Variants in CREM observed in about 807,000 individuals in gnomAD.
CREM encodes cAMP-responsive element modulator.
In CREM, 13 loss-of-function variants were observed where a neutral mutation model predicts 37.3. That is an observed-to-expected ratio of 0.35 (90% CI 0.23 to 0.55). CREM has a LOEUF of 0.55. Ranked by LOEUF, CREM falls within the 20% of genes least tolerant of loss-of-function variation. The pLI is 0.88. For missense variants in CREM, 296 were observed against 362.3 expected, an observed-to-expected ratio of 0.82 and a Z score of 1.49; for synonymous variants, 124 against 120.2, an observed-to-expected ratio of 1.03 and a Z score of -0.21.
At chr10:35,179,488 C>T (rs753276125) in intron 5 of CREM, 41 of 513,100 alleles carry the variant, frequency 8.0e-5, no homozygotes, top group Middle Eastern at 1.1e-3. Context: ...TTTTGACTGC[C>T]GAATATAGAA....
At chr10:35,203,114 G>C (rs183752683) in intron 6 of CREM, among the ~76,000 whole-genome samples, 1 of 151,876 alleles carries the variant, frequency 6.6e-6, no homozygotes, top group Non-Finnish European at 1.5e-5. Context: ...GAGTGCAGTA[G>C]CATAATAACG....
intron 1 of CREM, among the ~76,000 whole-genome samples, chr10:35,129,906 T>G (rs1243575237): frequency 6.6e-6 from 1 of 152,142 alleles, no homozygotes; most frequent in Non-Finnish European, 1.5e-5. Context: ...AACTTAAAAA[T>G]CCAGTTTAGG....
chr10:35,187,984 T>A (rs141617862), intron 5 of CREM, among the ~76,000 whole-genome samples: 2 of 152,350 alleles, frequency 1.3e-5, no homozygotes, highest in African/African-American at 4.8e-5. Context: ...ATCTCAAACA[T>A]TTCTGAATAT....
intron 5 of CREM, among the ~76,000 whole-genome samples, chr10:35,185,829 A>G (rs1449481914): frequency 6.6e-6 from 1 of 152,230 alleles, no homozygotes; most frequent in East Asian, 1.9e-4. Context: ...TGTCAGTGAA[A>G]TAAAACACAG....
chr10:35,127,721 G>A (rs1254609707), intron 1 of CREM, among the ~76,000 whole-genome samples: 1 of 152,230 alleles, frequency 6.6e-6, no homozygotes, highest in Non-Finnish European at 1.5e-5. Flanking sequence ...AGTCTCCGGA[G>A]TGGGAAGGGC....
intron 7 of CREM, among the ~76,000 whole-genome samples, chr10:35,209,865 A>G (rs2095625445): frequency 6.6e-6 from 1 of 152,122 alleles, no homozygotes; most frequent in Non-Finnish European, 1.5e-5. Context: ...ATTCTTTTCA[A>G]TTTTACATTT....
chr10:35,150,942 A>C (rs1445756900), intron 3 of CREM, among the ~76,000 whole-genome samples: 1 of 151,698 alleles, frequency 6.6e-6, no homozygotes, highest in African/African-American at 2.4e-5. Context: ...AAGTAGTCTT[A>C]GGTTTCTGAG....
At chr10:35,179,346 C>G in intron 5 of CREM, 70 bp downstream of exon 5, 1 of 1,545,824 alleles carries the variant, frequency 6.5e-7, no homozygotes, top group Non-Finnish European at 8.8e-7. Context: ...TGAAGCAACT[C>G]AGGTTTTGGC....
intron 7 of CREM, chr10:35,209,268 A>G: frequency 1.0e-6 from 1 of 967,976 alleles, no homozygotes; most frequent in Non-Finnish European, 1.2e-6. Context: ...ATCTCATTAT[A>G]TCGTATTTCT....
intron 3 of CREM, among the ~76,000 whole-genome samples, chr10:35,178,431 TA>T (rs1368279761): frequency 6.6e-6 from 1 of 152,172 alleles, no homozygotes; most frequent in Non-Finnish European, 1.5e-5. Context: ...ATCTGATGGC[TA>T]ATGTGAAGAC....
At position 35,188,371 on chromosome 10, in the gene CREM, G is replaced by A. The variant is rs772043261; in HGVS notation, c.581G>A (p.Ser194Asn). The A allele has an allele frequency of 4.3e-6, 7 of 1,611,334 alleles. No homozygotes were observed. The South Asian group carries it at 5.5e-5, about 13-fold the overall frequency. Residue 194 changes from serine (S) to asparagine (N), a missense_variant, in exon 6 of 8, where the codon AGC becomes AAC. Around this residue, in one of 2 missense-constraint regions of CREM, gnomAD observed 257 missense variants for 280.2 expected, o/e 0.92. Transcript: ENST00000685392. The stretch of plus-strand genomic sequence containing the variant: ...ACACAGCAGTTCTTTGTCCCAGGCA[G>A]CCAGGTTGTTGTTCAAGGTATATTT... ...DGTQQFFVPGSQVVVQAATGD... is the reference protein window; with the variant it reads ...DGTQQFFVPGNQVVVQAATGD...
intron 3 of CREM, among the ~76,000 whole-genome samples, chr10:35,160,890 C>T (rs1197571296): frequency 6.6e-6 from 1 of 152,186 alleles, no homozygotes; most frequent in Non-Finnish European, 1.5e-5. Context: ...GTATTGCTGT[C>T]TTCCACCTTC....
At chr10:35,137,692 G>T in intron 1 of CREM, 90 bp from the exon 2 acceptor site, 1 of 505,874 alleles carries the variant, frequency 2.0e-6, no homozygotes. Context: ...GCCTTGTTTT[G>T]AGAGGTTTTA....
intron 6 of CREM, among the ~76,000 whole-genome samples, chr10:35,198,654 C>T (rs2095290319): frequency 6.6e-6 from 1 of 151,956 alleles, no homozygotes; most frequent in African/African-American, 2.4e-5. Flanking sequence ...GCATAATTTC[C>T]TATCTTTTAG....
intron 3 of CREM, among the ~76,000 whole-genome samples, chr10:35,156,935 A>G (rs777280830): frequency 6.6e-6 from 1 of 152,182 alleles, no homozygotes; most frequent in Non-Finnish European, 1.5e-5. Flanking sequence ...TAAAGATGCA[A>G]CAACAACAAC....
chr10:35,147,477 A>G (rs1447032757), intron 2 of CREM, among the ~76,000 whole-genome samples: 2 of 152,244 alleles, frequency 1.3e-5, no homozygotes, highest in African/African-American at 4.8e-5. Context: ...AACTGAATTC[A>G]TACACAAACT....
intron 2 of CREM, among the ~76,000 whole-genome samples, chr10:35,142,632 G>T (rs1321488121): frequency 6.6e-6 from 1 of 152,188 alleles, no homozygotes; most frequent in Non-Finnish European, 1.5e-5. Context: ...TAGAGATGGG[G>T]TCTTGCTCTG....
chr10:35,210,066 A>T (rs1262272375), intron 7 of CREM, among the ~76,000 whole-genome samples: 3 of 127,326 alleles, frequency 2.4e-5, no homozygotes, highest in Admixed American at 1.5e-4. Flanking sequence ...CAGCTATCTT[A>T]AAAAAAAAAA....
chr10:35,162,198 TCATGTGTG>T, intron 3 of CREM, among the ~76,000 whole-genome samples: 1 of 152,322 alleles, frequency 6.6e-6, no homozygotes, highest in South Asian at 2.1e-4. Flanking sequence ...ATGCTCTCAC[TCATGTGTG>T]GAGTCTAAAA....
Sources: allele counts gnomAD v4.1 joint callset (sites outside exome capture counted in the v4.1 genomes callset), GRCh38; gene constraint gnomAD v4.1.1; regional missense constraint gnomAD v4.1.1; transcripts MANE v1.5; gene names NCBI Gene and HGNC (gene_info 2026-07-23, HGNC 2026-07-21).